Variants in TMEM63C observed in about 807,000 individuals in gnomAD.
TMEM63C encodes the protein transmembrane protein 63C.
A neutral mutation model predicts 99.2 loss-of-function variants in TMEM63C; 32 were observed. The ratio of observed to expected loss-of-function variants is 0.32; its 90% confidence interval spans 0.24 to 0.43. The LOEUF is 0.43. TMEM63C is among the 20% of genes least tolerant of loss of function. The pLI, the probability that TMEM63C is intolerant of heterozygous loss-of-function variation, is 1.00. For missense variants in TMEM63C, 826 were observed against 1,053.0 expected (o/e 0.78, Z 2.98); for synonymous variants, 376 against 397.9 (o/e 0.94, Z 0.66).
At chr14:77,225,536 G>A (rs1207457178) in intron 6 of TMEM63C, 75 bp downstream of exon 6, 6 of 1,510,578 alleles carry the variant, frequency 4.0e-6, no homozygotes, top group Non-Finnish European at 9.1e-7. Context: ...GGAAAAGTTA[G>A]CAGCCCCCAG....
chr14:77,183,015 G>T (rs1053558220), intron 1 of TMEM63C, among the ~76,000 whole-genome samples: 1 of 152,194 alleles, frequency 6.6e-6, no homozygotes, highest in Non-Finnish European at 1.5e-5. Context: ...GTCCCTGGGA[G>T]AAATGGGCTA....
chr14:77,223,467 C>T (rs1228917361), intron 5 of TMEM63C, among the ~76,000 whole-genome samples: 1 of 152,100 alleles, frequency 6.6e-6, no homozygotes, highest in Non-Finnish European at 1.5e-5. Context: ...CCCCAGGTGG[C>T]GGGGGCTCAG....
rs553887683 is a variant in TMEM63C, at chr14:77,245,455, AT to A, written c.1449-482del. 1.7e-3 allele frequency among the ~76,000 whole-genome samples: 259 copies of A among 152,380 alleles called. 1 individual carries two copies. The highest frequency in any genetic ancestry group is 6.1e-3 in the African/African-American group (252 of 41,594). Reference sequence around the variant, plus strand: ...ATAAAGACATACCCGAGACTGGACAATTTATAAAAGAAAGAGGTTTCATTGG... The same window carrying A: ...ATAAAGACATACCCGAGACTGGACAATTATAAAAGAAAGAGGTTTCATTGG... On this transcript the variant is annotated intron_variant, in intron 16 of 23. Transcript: ENST00000298351.
intron 11 of TMEM63C, 24 bp from the exon 12 acceptor site, chr14:77,239,570 GCAGGTCCTT>G: frequency 6.2e-7 from 1 of 1,612,960 alleles, no homozygotes; most frequent in Non-Finnish European, 8.5e-7. Flanking sequence ...CCCCTGACCT[GCAGGTCCTT>G]CTCCTGTTGC....
At chr14:77,213,291 C>T (rs1888522874) in intron 1 of TMEM63C, among the ~76,000 whole-genome samples, 155 bp from the exon 2 acceptor site, 1 of 152,138 alleles carries the variant, frequency 6.6e-6, no homozygotes, top group Non-Finnish European at 1.5e-5. Flanking sequence ...AAGCAATAGG[C>T]CAGGGGGAAA....
chr14:77,249,897 C>T (rs1162594984), intron 21 of TMEM63C, among the ~76,000 whole-genome samples: 4 of 152,280 alleles, frequency 2.6e-5, no homozygotes, highest in African/African-American at 4.8e-5. Context: ...TACAGTGGCG[C>T]GATCACGGCT....
intron 8 of TMEM63C, 61 bp from the exon 9 acceptor site, chr14:77,236,563 G>A: frequency 8.2e-7 from 1 of 1,223,804 alleles, no homozygotes; most frequent in Non-Finnish European, 1.2e-6. Context: ...AGGGGTCTCT[G>A]TGCAGTGGGC....
At chr14:77,186,670 G>A (rs1011178) in intron 1 of TMEM63C, among the ~76,000 whole-genome samples, 14,025 of 152,100 alleles carry the variant, frequency 0.092, 780 homozygotes, top group South Asian at 0.17. Flanking sequence ...CAGCCCAGAC[G>A]ACAGAGCAAG....
intron 1 of TMEM63C, among the ~76,000 whole-genome samples, chr14:77,207,534 C>T (rs1292911009): frequency 2.6e-5 from 4 of 152,352 alleles, no homozygotes; most frequent in Admixed American, 1.3e-4. Context: ...CTTGTGCCTT[C>T]GGAGGCTGCG....
At chr14:77,242,296 C>A in intron 13 of TMEM63C, 51 bp from the exon 14 acceptor site, 2 of 1,597,044 alleles carry the variant, frequency 1.3e-6, no homozygotes, top group South Asian at 1.1e-5. Flanking sequence ...CTCCTAAGCC[C>A]ATCCCCCCAC....
chr14:77,226,394 A>G (rs1444894817), intron 6 of TMEM63C, among the ~76,000 whole-genome samples: 1 of 152,246 alleles, frequency 6.6e-6, no homozygotes, highest in African/African-American at 2.4e-5. Context: ...CTGAGCAGCA[A>G]TAAGTCAAGT....
At chr14:77,184,577 G>A (rs1461616783) in intron 1 of TMEM63C, among the ~76,000 whole-genome samples, 1 of 152,178 alleles carries the variant, frequency 6.6e-6, no homozygotes, top group South Asian at 2.1e-4. Flanking sequence ...CCATGGGCAG[G>A]CTCACACTGG....
At chr14:77,250,118 A>G (rs1357128370) in intron 21 of TMEM63C, among the ~76,000 whole-genome samples, 4 of 152,234 alleles carry the variant, frequency 2.6e-5, no homozygotes, top group African/African-American at 9.6e-5. Context: ...TATAAGCGTA[A>G]GCCGCCGGTG....
chr14:77,183,559 A>C (rs1051870072), intron 1 of TMEM63C, among the ~76,000 whole-genome samples: 9 of 152,102 alleles, frequency 5.9e-5, no homozygotes, highest in African/African-American at 1.9e-4. Context: ...ATAGCCAGGG[A>C]GTGGGGATCC....
intron 1 of TMEM63C, among the ~76,000 whole-genome samples, chr14:77,203,382 GAA>G (rs10554283): frequency 0.28 from 34,352 of 123,070 alleles, 4,872 homozygotes; most frequent in East Asian, 0.6. Context: ...ACTCCATCTT[GAA>G]AAAAAAAAAA....
intron 1 of TMEM63C, among the ~76,000 whole-genome samples, chr14:77,195,566 C>A (rs1037621432): frequency 2.0e-5 from 3 of 152,180 alleles, no homozygotes; most frequent in East Asian, 3.8e-4. Flanking sequence ...TTTTAGCAAA[C>A]CCTCCCCTCC....
intron 10 of TMEM63C, 52 bp from the exon 11 acceptor site, chr14:77,239,360 A>G (rs1312782679): frequency 1.3e-6 from 2 of 1,576,406 alleles, no homozygotes; most frequent in African/African-American, 1.3e-5. Flanking sequence ...GGGTAGGGGC[A>G]GCACATCCCC....
At position 77,231,642 on chromosome 14, in the gene TMEM63C, C is replaced by T. The variant is rs1482043020; in HGVS notation, c.405C>T (p.Phe135=). 1.9e-6 allele frequency: 3 copies of T among 1,551,610 alleles called. No homozygotes were observed. The highest frequency in any genetic ancestry group is 2.4e-5 in the South Asian group (2 of 84,048). The part of the protein sequence containing the change: ...CGDDARIYIV[F]QYHLIIFVLI... ...ACGACGCGCGCATCTACATCGTGTT[C>T]CAGTACCACCTCATCATCTTTGTGC... The change falls in exon 7 of 24, where the codon TTC becomes TTT. Residue 135 remains phenylalanine, a synonymous_variant. Coordinates refer to ENST00000298351, the MANE Select transcript of TMEM63C (RefSeq NM_020431.4).
chr14:77,224,788 A>G (rs1888787757), intron 5 of TMEM63C, among the ~76,000 whole-genome samples: 1 of 152,216 alleles, frequency 6.6e-6, no homozygotes, highest in African/African-American at 2.4e-5. Flanking sequence ...TCAGAGGGAA[A>G]GAGACCTTCC....
Sources: gnomAD v4.1 joint callset for allele counts (sites outside exome capture counted in the v4.1 genomes callset) on GRCh38, gnomAD v4.1.1 for gene constraint, MANE v1.5 for transcripts, NCBI Gene and HGNC (gene_info 2026-07-23, HGNC 2026-07-21) for gene names.